The following MGRN1 variants were observed in gnomAD, a reference collection of about 807,000 sequenced individuals.
The protein encoded by MGRN1 is mahogunin ring finger 1.
Under a neutral mutation model 69.2 loss-of-function variants are expected in MGRN1, and 29 were observed. The ratio of observed to expected loss-of-function variants is 0.42; its 90% CI spans 0.31 to 0.57. MGRN1 has a LOEUF of 0.57. Ranked by LOEUF, MGRN1 falls within the 20% of genes least tolerant of loss-of-function variation. The probability of loss-of-function intolerance (pLI) is 0.15; values close to 1 mark genes in which losing one functional copy is unlikely to be tolerated. For synonymous variants in MGRN1, 470 were observed against 344.2 expected (o/e 1.37, Z -4.04); for missense variants, 998 against 796.2 (o/e 1.25, Z -3.05).
intron 5 of MGRN1, among the ~76,000 whole-genome samples, chr16:4,660,903 C>CCCAG (rs1272313300): frequency 6.6e-6 from 1 of 152,182 alleles, no homozygotes; most frequent in African/African-American, 2.4e-5. Context: ...TCTGTGGTAT[C>CCCAG]CCTCAGACGG....
chr16:4,649,487 G>C (rs1354903527), intron 1 of MGRN1: 1 of 152,168 alleles, frequency 6.6e-6, no homozygotes, highest in African/African-American at 2.4e-5. Flanking sequence ...TGTCATCCCT[G>C]GGCTTGTGGC....
At chr16:4,655,360 T>C (rs2141892543) in intron 4 of MGRN1, among the ~76,000 whole-genome samples, 1 of 152,310 alleles carries the variant, frequency 6.6e-6, no homozygotes, top group South Asian at 2.1e-4. Flanking sequence ...CTGGCTGGTG[T>C]CACCCTCTCC....
At chr16:4,671,127 G>A (rs912465062) in intron 8 of MGRN1, among the ~76,000 whole-genome samples, 2 of 152,190 alleles carry the variant, frequency 1.3e-5, no homozygotes, top group African/African-American at 4.8e-5. Context: ...GGCGGTCAGG[G>A]GGTGGTGGTT....
At chr16:4,634,712 C>G (rs1036033620) in intron 1 of MGRN1, 6 of 152,372 alleles carry the variant, frequency 3.9e-5, no homozygotes, top group African/African-American at 1.4e-4. Context: ...CGGTCATTTG[C>G]CTTTCCATAG....
At chr16:4,645,651 C>T (rs749065184) in intron 1 of MGRN1, among the ~76,000 whole-genome samples, 8 of 152,054 alleles carry the variant, frequency 5.3e-5, no homozygotes, top group Admixed American at 1.3e-4. Flanking sequence ...GAAGAGGCCT[C>T]GTGGAGAGAG....
chr16:4,667,140 C>T (rs7190368), intron 7 of MGRN1, among the ~76,000 whole-genome samples: 5,123 of 152,328 alleles, frequency 0.034, 291 homozygotes, highest in African/African-American at 0.12. Context: ...GCGGGCTTCA[C>T]GCTGCCTCTG....
intron 16 of MGRN1, among the ~76,000 whole-genome samples, chr16:4,684,715 C>G (rs186579251): frequency 2.0e-3 from 311 of 152,372 alleles, no homozygotes; most frequent in African/African-American, 6.9e-3. Flanking sequence ...CTCTAAAGAC[C>G]GGGAGGGAAT....
In MGRN1 at chr16:4,654,729, G is replaced by A. The variant is rs145884808; in HGVS notation, c.443+1905G>A. On this transcript the variant is annotated intron_variant, in intron 4 of 16. Transcript: ENST00000262370. ...CCATGTGTCCTGTGCACAGCCCCTC[G>A]CGTGACAGGTGCTCTTGAAAGGAGC... Among the ~76,000 whole-genome samples the A allele has an allele frequency of 5.9e-3, 894 of 152,340 alleles. 4 individuals are homozygous for A. The highest frequency in any genetic ancestry group is 0.02 in the African/African-American group (842 of 41,572).
intron 8 of MGRN1, among the ~76,000 whole-genome samples, chr16:4,668,751 C>G (rs548143685): frequency 7.7e-6 from 1 of 130,404 alleles, no homozygotes; most frequent in Non-Finnish European, 1.7e-5. Context: ...GATACACACA[C>G]ATATACCCAT....
intron 6 of MGRN1, 35 bp from the exon 7 acceptor site, chr16:4,665,067 C>G (rs201160527): frequency 6.2e-7 from 1 of 1,613,462 alleles, no homozygotes; most frequent in Non-Finnish European, 8.5e-7. Flanking sequence ...GGGCAGGCCC[C>G]GACTCTGACT....
chr16:4,652,915 A>C, intron 4 of MGRN1, 91 bp downstream of exon 4: 1 of 1,413,976 alleles, frequency 7.1e-7, no homozygotes, highest in Non-Finnish European at 9.3e-7. Flanking sequence ...AGAGGGAGAA[A>C]ACCAAACCGT....
intron 5 of MGRN1, among the ~76,000 whole-genome samples, chr16:4,661,731 C>T (rs547230035): frequency 1.1e-4 from 16 of 152,348 alleles, no homozygotes; most frequent in South Asian, 2.1e-4. Context: ...TCCATGTGTG[C>T]GTTGTTGTCC....
intron 1 of MGRN1, among the ~76,000 whole-genome samples, chr16:4,628,278 C>G (rs372130195): frequency 6.7e-6 from 1 of 148,444 alleles, no homozygotes; most frequent in South Asian, 2.2e-4. Flanking sequence ...CCCAGCCACT[C>G]GGGAGGCTGA....
intron 13 of MGRN1, among the ~76,000 whole-genome samples, chr16:4,682,612 C>T (rs1411663891): frequency 6.6e-6 from 1 of 152,172 alleles, no homozygotes. Flanking sequence ...GTCGGGAGCC[C>T]CTCTGTCGGG....
chr16:4,644,009 GT>G (rs1246680802), intron 1 of MGRN1, among the ~76,000 whole-genome samples: 1 of 151,850 alleles, frequency 6.6e-6, no homozygotes, highest in Non-Finnish European at 1.5e-5. Context: ...GTCTCGCTCT[GT>G]TGCCCAGGCT....
chr16:4,676,707 G>C (rs1027014658), intron 10 of MGRN1, among the ~76,000 whole-genome samples: 2 of 152,138 alleles, frequency 1.3e-5, no homozygotes, highest in Non-Finnish European at 2.9e-5. Flanking sequence ...GTCACTAAAG[G>C]TGTCTCAGGA....
chr16:4,652,969 T>C, intron 4 of MGRN1, 145 bp downstream of exon 4: 1 of 1,146,182 alleles, frequency 8.7e-7, no homozygotes, highest in Non-Finnish European at 1.2e-6. Flanking sequence ...ATGTGAGGGG[T>C]TTCTCCCACC....
In MGRN1 at chr16:4,624,970, A is replaced by C. The variant is rs778474715; in HGVS notation, c.10A>C (p.Ile4Leu). 1.3e-6 allele frequency: 2 copies of C among 1,552,516 alleles called. No individual in the cohort carries two copies. The highest frequency in any genetic ancestry group is 1.7e-6 in the Non-Finnish European group (2 of 1,152,200). The change falls in exon 1 of 17, where the codon ATT (isoleucine) becomes CTT (leucine). Residue 4 changes from isoleucine to leucine, a missense_variant. Ile to Leu is a conservative substitution (Grantham distance 5). Coordinates refer to ENST00000262370, the MANE Select transcript of MGRN1 (RefSeq NM_015246.4). ...GGCAGCGCCGCGCACCATGGGCTCC[A>C]TTCTCAGCCGCCGCATCGCGGGGGT... MGS[I>L]LSRRIAGVED... is the part of the protein sequence containing the mutation.
intron 4 of MGRN1, among the ~76,000 whole-genome samples, chr16:4,655,643 C>G (rs1247319690): frequency 6.6e-6 from 1 of 151,916 alleles, no homozygotes; most frequent in Non-Finnish European, 1.5e-5. Flanking sequence ...AGGAACAGCT[C>G]CAGTGCCACT....
Sources: gnomAD v4.1 joint callset for allele counts (sites outside exome capture counted in the v4.1 genomes callset) on GRCh38, gnomAD v4.1.1 for gene constraint, MANE v1.5 for transcripts, NCBI Gene and HGNC (gene_info 2026-07-23, HGNC 2026-07-21) for gene names.